DNAJC1: variants seen among roughly 807,000 people sequenced by gnomAD.
DNAJC1 encodes DnaJ heat shock protein family (Hsp40) member C1, also known as dnaJ homolog subfamily C member 1.
In DNAJC1, 58 loss-of-function variants were observed where a neutral mutation model predicts 76.6. The observed-to-expected ratio is 0.76, with a 90% CI of 0.61 to 0.94. The LOEUF is 0.94. DNAJC1 is among the 40% of genes least tolerant of loss of function. DNAJC1 has a pLI of 0.00. For synonymous variants in DNAJC1, 258 were observed against 267.9 expected, an observed-to-expected ratio of 0.96 and a Z score of 0.36; for missense variants, 689 against 677.3, an observed-to-expected ratio of 1.02 and a Z score of -0.19.
chr10:21,950,264 AC>A (rs1297624740), intron 1 of DNAJC1, among the ~76,000 whole-genome samples: 1 of 152,200 alleles, frequency 6.6e-6, no homozygotes, highest in African/African-American at 2.4e-5. Context: ...AACTCTCGCA[AC>A]ATTTCAAACA....
intron 7 of DNAJC1, among the ~76,000 whole-genome samples, chr10:21,900,290 C>A (rs1836628584): frequency 6.6e-6 from 1 of 151,334 alleles, no homozygotes; most frequent in Non-Finnish European, 1.5e-5. Flanking sequence ...TTGCAGTGAG[C>A]CAACATTGCG....
At chr10:21,927,417 T>TA (rs1837146290) in intron 3 of DNAJC1, among the ~76,000 whole-genome samples, 1 of 152,202 alleles carries the variant, frequency 6.6e-6, no homozygotes, top group African/African-American at 2.4e-5. Context: ...GGAGATGTAT[T>TA]ACCCCCCTAG....
intron 8 of DNAJC1, among the ~76,000 whole-genome samples, chr10:21,837,142 A>T (rs1306059124): frequency 3.9e-5 from 6 of 152,278 alleles, no homozygotes; most frequent in African/African-American, 1.4e-4. Flanking sequence ...CCAGCTCCTA[A>T]CCGCGAGTGA....
At chr10:21,912,466 G>A (rs1836879892) in intron 6 of DNAJC1, among the ~76,000 whole-genome samples, 1 of 152,078 alleles carries the variant, frequency 6.6e-6, no homozygotes, top group African/African-American at 2.4e-5. Context: ...TTCAGAGGGT[G>A]GAAGTAAGGA....
chr10:21,790,436 G>C (rs1451229644), intron 9 of DNAJC1, among the ~76,000 whole-genome samples: 1 of 150,988 alleles, frequency 6.6e-6, no homozygotes, highest in African/African-American at 2.4e-5. Context: ...TTACATTTAA[G>C]AGGATTCCCA....
At chr10:21,856,908 G>GT (rs1256760235) in intron 8 of DNAJC1, among the ~76,000 whole-genome samples, 1 of 151,934 alleles carries the variant, frequency 6.6e-6, no homozygotes. Flanking sequence ...GCTAATTTTT[G>GT]TATTTTTAGT....
At chr10:21,812,176 A>G (rs974913909) in intron 8 of DNAJC1, among the ~76,000 whole-genome samples, 1 of 151,650 alleles carries the variant, frequency 6.6e-6, no homozygotes, top group Admixed American at 6.6e-5. Flanking sequence ...CTCCTGCCTC[A>G]GCCTCCCGAG....
chr10:21,851,585 CA>C (rs1199070733), intron 8 of DNAJC1, among the ~76,000 whole-genome samples: 1 of 152,090 alleles, frequency 6.6e-6, no homozygotes, highest in Non-Finnish European at 1.5e-5. Context: ...GATGGTACAT[CA>C]AAAAGTTAAA....
At chr10:21,940,964 AC>A (rs1837397180) in intron 1 of DNAJC1, among the ~76,000 whole-genome samples, 1 of 151,796 alleles carries the variant, frequency 6.6e-6, no homozygotes, top group African/African-American at 2.4e-5. Context: ...AAGAGACAGA[AC>A]AACTGGCCAG....
intron 9 of DNAJC1, among the ~76,000 whole-genome samples, chr10:21,773,040 C>T (rs1834407316): frequency 6.6e-6 from 1 of 152,152 alleles, no homozygotes; most frequent in East Asian, 1.9e-4. Context: ...AGGGGGAAAT[C>T]CAACCCCATG....
intron 8 of DNAJC1, among the ~76,000 whole-genome samples, chr10:21,831,274 G>C (rs1259506404): frequency 6.6e-6 from 1 of 152,114 alleles, no homozygotes; most frequent in Non-Finnish European, 1.5e-5. Context: ...GTAGCCCTTT[G>C]AGAGCAGGCT....
chr10:21,838,486 A>G (rs536397670), intron 8 of DNAJC1, among the ~76,000 whole-genome samples: 5,376 of 152,226 alleles, frequency 0.035, 167 homozygotes, highest in African/African-American at 0.07. Flanking sequence ...CAAACACTGC[A>G]GAAGGCTGCA....
At chr10:21,916,889 A>C (rs1194888661) in intron 6 of DNAJC1, among the ~76,000 whole-genome samples, 2 of 152,172 alleles carry the variant, frequency 1.3e-5, no homozygotes, top group Non-Finnish European at 2.9e-5. Flanking sequence ...GTTAGTGACC[A>C]CTAGAAACAC....
At chr10:21,882,579 A>G (rs1321887560) in intron 7 of DNAJC1, 140 bp from the exon 8 acceptor site, 4 of 601,188 alleles carry the variant, frequency 6.7e-6, no homozygotes, top group Non-Finnish European at 1.0e-5. Flanking sequence ...TATAACTTTT[A>G]TTGTACATAA....
intron 8 of DNAJC1, among the ~76,000 whole-genome samples, chr10:21,866,134 C>CAAAAA (rs1306930222): frequency 1.3e-3 from 45 of 33,964 alleles, no homozygotes; most frequent in Middle Eastern, 0.014. Context: ...GACTTCAACT[C>CAAAAA]AAAAAAAAAA....
At chr10:21,818,899 T>C (rs1356773391) in intron 8 of DNAJC1, among the ~76,000 whole-genome samples, 1 of 152,192 alleles carries the variant, frequency 6.6e-6, no homozygotes, top group African/African-American at 2.4e-5. Context: ...AAGTCTTACA[T>C]AAGATTATAT....
chr10:21,962,252 T>C (rs978192803), intron 1 of DNAJC1, among the ~76,000 whole-genome samples: 1 of 152,036 alleles, frequency 6.6e-6, no homozygotes, highest in Non-Finnish European at 1.5e-5. Context: ...CCTAAAACAG[T>C]GCCAGGCACA....
intron 8 of DNAJC1, among the ~76,000 whole-genome samples, chr10:21,824,272 C>A (rs1393724779): frequency 1.3e-5 from 2 of 152,154 alleles, no homozygotes; most frequent in Non-Finnish European, 2.9e-5. Context: ...ATACCCCACA[C>A]CAAAAACTAG....
At chr10:21,869,961 T>C (rs1383021028) in intron 8 of DNAJC1, among the ~76,000 whole-genome samples, 1 of 152,054 alleles carries the variant, frequency 6.6e-6, no homozygotes, top group Non-Finnish European at 1.5e-5. Context: ...ATTCGTATTT[T>C]ATAAGTCAAG....
Sources: gnomAD v4.1 joint callset for allele counts (sites outside exome capture counted in the v4.1 genomes callset) on GRCh38, gnomAD v4.1.1 for gene constraint, MANE v1.5 for transcripts, NCBI Gene and HGNC (gene_info 2026-07-23, HGNC 2026-07-21) for gene names.